KIAA0825: variants seen among roughly 807,000 people sequenced by gnomAD.
The protein encoded by KIAA0825 is uncharacterized protein KIAA0825.
In KIAA0825, 119 loss-of-function variants were observed where a neutral mutation model predicts 147.6. That is an observed-to-expected ratio of 0.81 (90% CI 0.69 to 0.94). The LOEUF is 0.94. Among genes scored for constraint, KIAA0825 ranks in the 40% least tolerant of loss-of-function variants. The pLI is 0.00. For synonymous variants in KIAA0825, 470 were observed against 518.1 expected, an observed-to-expected ratio of 0.91 and a Z score of 1.26; for missense variants, 1,381 against 1,472.7, an observed-to-expected ratio of 0.94 and a Z score of 1.02.
chr5:94,507,455 G>GC lies in KIAA0825; in HGVS notation c.970+12792dup, dbSNP rs548939779. ...CGACAGAGCAAGACACCGTCCCCCC[G>GC]CCCCCCCCAAAAAAACCTGACAGGC... On this transcript the variant is annotated intron_variant, in intron 5 of 20. Transcript: ENST00000682413. Among the ~76,000 whole-genome samples the GC allele has an allele frequency of 6.3e-3, 695 of 110,576 alleles. 2 individuals are homozygous for GC. Among genetic ancestry groups the GC allele is most frequent in the South Asian group, 0.021 (67 of 3,128 alleles). 72.5% of individuals were successfully genotyped at this position (110,576 alleles called of 152,430 possible). A position where few individuals can be genotyped will look rare whatever the true frequency, so the allele number is the denominator to read the frequency against.
intron 20 of KIAA0825, among the ~76,000 whole-genome samples, chr5:94,275,008 T>C (rs1172077067): frequency 6.6e-6 from 1 of 152,206 alleles, no homozygotes; most frequent in Non-Finnish European, 1.5e-5. Flanking sequence ...TTTGTCAAAG[T>C]AGAGGTACTG....
At chr5:94,593,461 A>G (rs1784707097) in intron 1 of KIAA0825, 3 of 700,970 alleles carry the variant, frequency 4.3e-6, no homozygotes, top group South Asian at 3.2e-5. Flanking sequence ...CAACGTTGCA[A>G]AAAGAATGGT....
intron 20 of KIAA0825, among the ~76,000 whole-genome samples, chr5:94,373,364 A>T (rs2150468776): frequency 6.6e-6 from 1 of 152,300 alleles, no homozygotes; most frequent in South Asian, 2.1e-4. Flanking sequence ...CAGACCCAAG[A>T]CTGGGTATTT....
intron 20 of KIAA0825, among the ~76,000 whole-genome samples, chr5:94,238,691 G>A (rs1427100737): frequency 6.6e-6 from 1 of 151,958 alleles, no homozygotes; most frequent in East Asian, 1.9e-4. Context: ...CACGAGCGAA[G>A]CCAAAAAGTA....
At chr5:94,561,437 G>C (rs1007055158) in intron 2 of KIAA0825, among the ~76,000 whole-genome samples, 2 of 152,162 alleles carry the variant, frequency 1.3e-5, no homozygotes, top group Admixed American at 1.3e-4. Flanking sequence ...TTGTTGTCTT[G>C]TGGCAGAAGT....
chr5:94,210,661 CT>C (rs1273938675), intron 20 of KIAA0825, among the ~76,000 whole-genome samples: 1 of 152,120 alleles, frequency 6.6e-6, no homozygotes, highest in Non-Finnish European at 1.5e-5. Flanking sequence ...TAAAAATGAG[CT>C]TGCTTTAAAA....
intron 20 of KIAA0825, among the ~76,000 whole-genome samples, chr5:94,341,833 G>T (rs555442059): frequency 6.6e-6 from 1 of 151,924 alleles, no homozygotes; most frequent in South Asian, 2.1e-4. Context: ...GGAATAATGG[G>T]GCATTTGAGT....
In KIAA0825 at chr5:94,484,791, G is replaced by C. The variant is rs1456780159; in HGVS notation, c.1110C>G (p.Leu370=). The change falls in exon 6 of 21, where the codon CTC becomes CTG. Residue 370 remains leucine, a synonymous_variant. Transcript: ENST00000682413. ...QELFDEILLS[L]KITRDTSGIL... ...TACCTGAAGTATCCCTGGTTATCTT[G>C]AGTGATAAAAGTATTTCGTCAAACA... The C allele has an allele frequency of 4.7e-6, 7 of 1,494,130 alleles. No homozygotes were observed. In the South Asian group the frequency reaches 9.3e-5, roughly 20 times the overall value. 92.6% of individuals were successfully genotyped at this position (1,494,130 alleles called of 1,614,324 possible). A position where few individuals can be genotyped will look rare whatever the true frequency, so the allele number is the denominator to read the frequency against.
chr5:94,351,748 C>T (rs1439797761), intron 20 of KIAA0825, among the ~76,000 whole-genome samples: 1 of 152,054 alleles, frequency 6.6e-6, no homozygotes, highest in African/African-American at 2.4e-5. Context: ...AGGCACATAG[C>T]CCAATGGAAC....
chr5:94,293,858 T>C (rs1778018029), intron 20 of KIAA0825, among the ~76,000 whole-genome samples: 2 of 152,258 alleles, frequency 1.3e-5, no homozygotes, highest in South Asian at 2.1e-4. Flanking sequence ...CCTTTTACCA[T>C]TATGTAATGC....
intron 14 of KIAA0825, among the ~76,000 whole-genome samples, chr5:94,428,119 G>A (rs541647493): frequency 6.6e-6 from 1 of 150,874 alleles, no homozygotes; most frequent in Non-Finnish European, 1.5e-5. Flanking sequence ...GGGTCTCTTG[G>A]AGACAGCAGA....
At chr5:94,586,744 G>C (rs759052244) in intron 1 of KIAA0825, among the ~76,000 whole-genome samples, 1 of 152,146 alleles carries the variant, frequency 6.6e-6, no homozygotes, top group Non-Finnish European at 1.5e-5. Context: ...AACAAAAAAA[G>C]AGAATTTTAG....
intron 20 of KIAA0825, among the ~76,000 whole-genome samples, chr5:94,327,876 C>T (rs1242008116): frequency 2.6e-5 from 4 of 151,814 alleles, no homozygotes; most frequent in Non-Finnish European, 4.4e-5. Context: ...CGTGGTGGTG[C>T]GGGCCTGTAG....
intron 10 of KIAA0825, 75 bp from the exon 11 acceptor site, chr5:94,465,134 T>C (rs1760324826): frequency 1.5e-6 from 2 of 1,353,098 alleles, no homozygotes; most frequent in South Asian, 2.9e-5. Flanking sequence ...TGAACGTAAT[T>C]AGTTCAGGCT....
intron 2 of KIAA0825, among the ~76,000 whole-genome samples, chr5:94,537,569 T>A (rs1172560576): frequency 7.4e-6 from 1 of 135,838 alleles, no homozygotes; most frequent in African/African-American, 3.2e-5. Flanking sequence ...AAGAATGGTG[T>A]GAACCCAGAT....
chr5:94,478,458 C>CAT (rs953355906), intron 6 of KIAA0825, among the ~76,000 whole-genome samples: 1 of 151,230 alleles, frequency 6.6e-6, no homozygotes, highest in Admixed American at 6.6e-5. Flanking sequence ...GCATCACACA[C>CAT]ACACACACAC....
chr5:94,183,850 A>G (rs1458790062), intron 20 of KIAA0825, among the ~76,000 whole-genome samples: 1 of 152,188 alleles, frequency 6.6e-6, no homozygotes, highest in Non-Finnish European at 1.5e-5. Flanking sequence ...ATAAACCTTT[A>G]TAATATCCTT....
intron 2 of KIAA0825, among the ~76,000 whole-genome samples, chr5:94,560,286 A>C (rs1309692468): frequency 6.6e-6 from 1 of 152,190 alleles, no homozygotes; most frequent in Non-Finnish European, 1.5e-5. Context: ...TCTCCCACTT[A>C]TCTGCCTCAT....
chr5:94,187,616 G>A (rs1282155463), intron 20 of KIAA0825, among the ~76,000 whole-genome samples: 1 of 151,800 alleles, frequency 6.6e-6, no homozygotes, highest in Non-Finnish European at 1.5e-5. Context: ...TAGTAGAGAC[G>A]GGGTTTCTCC....
Sources: allele counts gnomAD v4.1 joint callset (sites outside exome capture counted in the v4.1 genomes callset), GRCh38; gene constraint gnomAD v4.1.1; transcripts MANE v1.5; gene names NCBI Gene and HGNC (gene_info 2026-07-23, HGNC 2026-07-21).